ZNRF3: variants seen among roughly 807,000 people sequenced by gnomAD.
ZNRF3 encodes E3 ubiquitin-protein ligase ZNRF3.
Under a neutral mutation model 72.5 loss-of-function variants are expected in ZNRF3, and 23 were observed. The ratio of observed to expected loss-of-function variants is 0.32; its 90% confidence interval spans 0.23 to 0.45. The LOEUF (loss-of-function observed/expected upper bound fraction) is 0.45. Ranked by LOEUF, ZNRF3 falls within the 20% of genes least tolerant of loss-of-function variation. The pLI, the probability that ZNRF3 is intolerant of heterozygous loss-of-function variation, is 1.00. For synonymous variants in ZNRF3, 610 were observed against 545.3 expected, an observed-to-expected ratio of 1.12 and a Z score of -1.65; for missense variants, 1,169 against 1,272.1, an observed-to-expected ratio of 0.92 and a Z score of 1.23.
chr22:28,987,516 C>G (rs975163975), intron 2 of ZNRF3, among the ~76,000 whole-genome samples: 1 of 152,158 alleles, frequency 6.6e-6, no homozygotes, highest in Non-Finnish European at 1.5e-5. Context: ...TAGAGATTCA[C>G]AATACTTTAT....
At chr22:29,018,207 G>A in intron 2 of ZNRF3, 1 of 327,826 alleles carries the variant, frequency 3.1e-6, no homozygotes, top group Admixed American at 3.7e-5. Flanking sequence ...GGAATGAACT[G>A]GAAAAAGATT....
At chr22:28,942,106 C>T (rs2034957930) in intron 1 of ZNRF3, among the ~76,000 whole-genome samples, 1 of 152,238 alleles carries the variant, frequency 6.6e-6, no homozygotes, top group African/African-American at 2.4e-5. Context: ...AGTTTCAGGC[C>T]TGAAGCCAAA....
intron 2 of ZNRF3, among the ~76,000 whole-genome samples, chr22:29,004,576 G>A (rs891284819): frequency 1.3e-5 from 2 of 152,206 alleles, no homozygotes; most frequent in African/African-American, 4.8e-5. Flanking sequence ...GAAGGAAGGA[G>A]CTCTGACCAG....
intron 1 of ZNRF3, among the ~76,000 whole-genome samples, chr22:28,981,413 A>G (rs1218379363): frequency 1.3e-5 from 2 of 152,112 alleles, no homozygotes; most frequent in Non-Finnish European, 2.9e-5. Flanking sequence ...CTGGTCTCGA[A>G]CTCCTGGGTT....
At chr22:28,994,751 C>G (rs2036019981) in intron 2 of ZNRF3, among the ~76,000 whole-genome samples, 1 of 151,886 alleles carries the variant, frequency 6.6e-6, no homozygotes, top group Non-Finnish European at 1.5e-5. Flanking sequence ...TATATTTTAC[C>G]ACAGTTAAAA....
intron 3 of ZNRF3, 103 bp downstream of exon 3, chr22:29,042,672 T>A: frequency 9.7e-7 from 1 of 1,035,246 alleles, no homozygotes; most frequent in Non-Finnish European, 1.5e-6. Context: ...CTCAGAGCAT[T>A]TGCTCTTGTC....
rs530036984 is a variant in ZNRF3, at chr22:28,966,867, C to CTTTT, written c.301-20190_301-20187dup. On this transcript the variant is annotated intron_variant, in intron 1 of 8. Coordinates refer to ENST00000544604, the MANE Select transcript of ZNRF3 (RefSeq NM_001206998.2). ...GTTACAGGCACATAGTTTTAAAAAT[C>CTTTT]TTTTTTTTTTTTTTTTTTTTTTGAG... 3.4e-3 allele frequency among the ~76,000 whole-genome samples: 347 copies of CTTTT among 102,422 alleles called. 13 individuals carry two copies. The highest frequency in any genetic ancestry group is 9.1e-3 in the African/African-American group (229 of 25,034). 67.2% of individuals were successfully genotyped at this position (102,422 alleles called of 152,430 possible). A position where few individuals can be genotyped will look rare whatever the true frequency, so the allele number is the denominator to read the frequency against.
intron 2 of ZNRF3, among the ~76,000 whole-genome samples, chr22:29,029,518 G>A (rs1182624969): frequency 1.3e-5 from 2 of 152,232 alleles, no homozygotes; most frequent in African/African-American, 2.4e-5. Flanking sequence ...AGGAGCTCCA[G>A]AAGGTGCACT....
chr22:28,994,484 C>T (rs765731669), intron 2 of ZNRF3, among the ~76,000 whole-genome samples: 5 of 152,002 alleles, frequency 3.3e-5, no homozygotes, highest in African/African-American at 7.3e-5. Context: ...CCACCGCTCC[C>T]GGCTCCTTCG....
intron 1 of ZNRF3, among the ~76,000 whole-genome samples, chr22:28,911,298 A>G (rs1467699323): frequency 1.3e-5 from 2 of 152,190 alleles, no homozygotes; most frequent in Non-Finnish European, 2.9e-5. Context: ...TTTATCATGG[A>G]GACCAGTGGG....
chr22:28,968,837 T>C (rs1460440877), intron 1 of ZNRF3, among the ~76,000 whole-genome samples: 1 of 152,236 alleles, frequency 6.6e-6, no homozygotes, highest in African/African-American at 2.4e-5. Context: ...AAATTGGGTT[T>C]GGAAACTCAC....
intron 1 of ZNRF3, among the ~76,000 whole-genome samples, chr22:28,930,291 G>T (rs1190144152): frequency 6.6e-6 from 1 of 152,196 alleles, no homozygotes; most frequent in African/African-American, 2.4e-5. Flanking sequence ...AGGTGAGTCT[G>T]CATAAACAGA....
chr22:28,964,289 A>G (rs1266097019), intron 1 of ZNRF3, among the ~76,000 whole-genome samples: 1 of 152,232 alleles, frequency 6.6e-6, no homozygotes, highest in Non-Finnish European at 1.5e-5. Context: ...AAGTATATTC[A>G]GTGTGGGTCT....
At chr22:28,966,804 G>T (rs1433639090) in intron 1 of ZNRF3, among the ~76,000 whole-genome samples, 1 of 148,020 alleles carries the variant, frequency 6.8e-6, no homozygotes, top group African/African-American at 2.5e-5. Context: ...TATTATTGAA[G>T]AAAGGAAAGT....
chr22:29,001,084 T>C (rs991389905), intron 2 of ZNRF3, among the ~76,000 whole-genome samples: 6 of 140,076 alleles, frequency 4.3e-5, no homozygotes, highest in African/African-American at 1.4e-4. Flanking sequence ...TTTTTTTTTT[T>C]TTGAGATGGA....
At chr22:28,893,535 T>C (rs1187548385) in intron 1 of ZNRF3, among the ~76,000 whole-genome samples, 2 of 151,688 alleles carry the variant, frequency 1.3e-5, no homozygotes, top group Admixed American at 6.6e-5. Flanking sequence ...TCTGGCTCTA[T>C]CGCCCAGGCT....
chr22:29,013,623 G>A (rs1437586253), intron 2 of ZNRF3, among the ~76,000 whole-genome samples: 1 of 152,182 alleles, frequency 6.6e-6, no homozygotes, highest in African/African-American at 2.4e-5. Flanking sequence ...ATTTAAAGCT[G>A]TATCCAACCA....
intron 1 of ZNRF3, among the ~76,000 whole-genome samples, chr22:28,950,947 G>A (rs1442457163): frequency 3.3e-5 from 5 of 152,302 alleles, no homozygotes; most frequent in South Asian, 2.1e-4. Flanking sequence ...ACAGGCCTCT[G>A]CCAAAACAGT....
intron 2 of ZNRF3, among the ~76,000 whole-genome samples, chr22:29,037,269 G>T (rs2036884136): frequency 6.6e-6 from 1 of 152,204 alleles, no homozygotes; most frequent in Non-Finnish European, 1.5e-5. Flanking sequence ...ACACTGGGGA[G>T]AATGCCAGAT....
Sources: allele counts gnomAD v4.1 joint callset (sites outside exome capture counted in the v4.1 genomes callset), GRCh38; gene constraint gnomAD v4.1.1; transcripts MANE v1.5; gene names NCBI Gene and HGNC (gene_info 2026-07-23, HGNC 2026-07-21).